Variants in BRAF observed in about 807,000 individuals in gnomAD.
The protein encoded by BRAF is B-Raf proto-oncogene, serine/threonine kinase, also known as serine/threonine-protein kinase B-raf.
Under a neutral mutation model 104.6 loss-of-function variants are expected in BRAF, and 16 were observed. The observed-to-expected ratio is 0.15, with a 90% CI of 0.10 to 0.23. BRAF has a LOEUF of 0.23. BRAF is among the 10% of genes least tolerant of loss of function. BRAF has a pLI of 1.00. For missense variants in BRAF, 541 were observed against 937.3 expected (o/e 0.58, Z 5.52); for synonymous variants, 310 against 341.6 (o/e 0.91, Z 1.02).
chr7:140,742,248 GTGGTGTGATCTCGGC>G (rs1459839897), intron 17 of BRAF, among the ~76,000 whole-genome samples: 1 of 152,050 alleles, frequency 6.6e-6, no homozygotes, highest in Admixed American at 6.5e-5. Flanking sequence ...CTAGAGTGTA[GTGGTGTGATCTCGGC>G]TCACTGCAAC....
intron 2 of BRAF, 28 bp downstream of exon 2, chr7:140,850,083 T>C (rs1808996216): frequency 2.0e-6 from 3 of 1,481,490 alleles, no homozygotes; most frequent in African/African-American, 1.4e-5. Flanking sequence ...CTTTTCAAAA[T>C]TACTAGATAT....
chr7:140,824,393 T>A (rs1233025021), intron 3 of BRAF: 2 of 152,228 alleles, frequency 1.3e-5, no homozygotes, highest in Non-Finnish European at 2.9e-5. Context: ...CATCATTTGC[T>A]GAACAGATTC....
intron 3 of BRAF, among the ~76,000 whole-genome samples, chr7:140,810,453 C>G (rs749412603): frequency 3.3e-5 from 5 of 152,040 alleles, no homozygotes; most frequent in Non-Finnish European, 7.4e-5. Flanking sequence ...GCCTATAATC[C>G]CAGCTACTCA....
intron 1 of BRAF, among the ~76,000 whole-genome samples, chr7:140,851,792 T>G (rs1298317821): frequency 1.3e-5 from 2 of 152,214 alleles, no homozygotes; most frequent in Non-Finnish European, 2.9e-5. Context: ...AAGGCAATCA[T>G]GTTTTAATTT....
At chr7:140,875,122 C>A (rs7776465) in intron 1 of BRAF, among the ~76,000 whole-genome samples, 2,659 of 152,190 alleles carry the variant, frequency 0.017, 79 homozygotes, top group African/African-American at 0.061. Flanking sequence ...TTCTTTATAG[C>A]AATTCAAGAA....
At chr7:140,811,218 TG>T (rs1387917876) in intron 3 of BRAF, among the ~76,000 whole-genome samples, 1 of 152,186 alleles carries the variant, frequency 6.6e-6, no homozygotes, top group Non-Finnish European at 1.5e-5. Flanking sequence ...GTATTTTAAA[TG>T]TGAAGGATCT....
At chr7:140,765,343 A>T (rs1242620974) in intron 14 of BRAF, among the ~76,000 whole-genome samples, 3 of 151,684 alleles carry the variant, frequency 2.0e-5, no homozygotes, top group African/African-American at 7.3e-5. Context: ...AACCATAAAA[A>T]CCCTAGAAGA....
At chr7:140,884,436 T>C (rs1813312971) in intron 1 of BRAF, among the ~76,000 whole-genome samples, 1 of 99,926 alleles carries the variant, frequency 1.0e-5, no homozygotes, top group Non-Finnish European at 1.9e-5. Flanking sequence ...GATATGTGTG[T>C]GTGTGTGTGT....
intron 14 of BRAF, among the ~76,000 whole-genome samples, chr7:140,771,289 G>A (rs370993195): frequency 8.7e-4 from 133 of 152,238 alleles, no homozygotes; most frequent in African/African-American, 3.1e-3. Flanking sequence ...TCGACTTCCT[G>A]GGCTCAAGTG....
At chr7:140,920,007 C>T (rs1031391467) in intron 1 of BRAF, among the ~76,000 whole-genome samples, 1 of 151,918 alleles carries the variant, frequency 6.6e-6, no homozygotes, top group African/African-American at 2.4e-5. Flanking sequence ...CACGACCAGC[C>T]CTACTGCCAC....
chr7:140,790,126 T>C (rs1016220785), intron 8 of BRAF, among the ~76,000 whole-genome samples: 3 of 152,168 alleles, frequency 2.0e-5, no homozygotes, highest in African/African-American at 4.8e-5. Flanking sequence ...GAGATAGGCA[T>C]GTAGAAAAGC....
intron 3 of BRAF, among the ~76,000 whole-genome samples, chr7:140,820,891 C>G (rs900455723): frequency 9.2e-5 from 14 of 152,118 alleles, no homozygotes; most frequent in African/African-American, 3.4e-4. Context: ...TGTGATTATA[C>G]CACTGCACTC....
Position 140,724,043 on chromosome 7 carries a change from A to C in BRAF, c.*2451T>G, listed in dbSNP as rs1173546408. ...GTATCTATAAAAATCTCAATATGCTAAGCCTGGCTCCTGGGCACAGCTTCA... is the reference window on the plus strand; with the variant it reads ...GTATCTATAAAAATCTCAATATGCTCAGCCTGGCTCCTGGGCACAGCTTCA... On this transcript the variant is annotated 3_prime_UTR_variant, in exon 20 of 20. Transcript: ENST00000644969. 9.5e-7 allele frequency: 1 copy of C among 1,047,576 alleles called. No individual in the cohort carries two copies. Among genetic ancestry groups the C allele is most frequent in the Non-Finnish European group, 1.2e-6 (1 of 868,234 alleles). 64.9% of individuals were successfully genotyped at this position (1,047,576 alleles called of 1,614,324 possible). A position where few individuals can be genotyped will look rare whatever the true frequency, so the allele number is the denominator to read the frequency against.
intron 14 of BRAF, among the ~76,000 whole-genome samples, chr7:140,767,065 G>A (rs766097021): frequency 1.4e-4 from 21 of 151,968 alleles, no homozygotes; most frequent in South Asian, 2.1e-4. Flanking sequence ...ATGCAGTGGC[G>A]CGATCTTGAC....
chr7:140,884,429 A>ATG (rs71170770), intron 1 of BRAF, among the ~76,000 whole-genome samples: 10,248 of 127,228 alleles, frequency 0.081, 383 homozygotes, highest in East Asian at 0.12. Context: ...TATATAAGAT[A>ATG]TGTGTGTGTG....
chr7:140,904,884 G>T (rs745691319), intron 1 of BRAF, among the ~76,000 whole-genome samples: 38 of 152,168 alleles, frequency 2.5e-4, no homozygotes, highest in Non-Finnish European at 5.0e-4. Context: ...TGGGATTACA[G>T]GTGTGAGCCA....
intron 7 of BRAF, among the ~76,000 whole-genome samples, chr7:140,797,161 A>G (rs1045044685): frequency 6.6e-6 from 1 of 152,198 alleles, no homozygotes; most frequent in African/African-American, 2.4e-5. Flanking sequence ...CAAATTAAAG[A>G]CAAAAGGAAT....
At chr7:140,762,325 T>C (rs1798819653) in intron 14 of BRAF, among the ~76,000 whole-genome samples, 1 of 152,180 alleles carries the variant, frequency 6.6e-6, no homozygotes, top group Non-Finnish European at 1.5e-5. Context: ...GAAATAAAGA[T>C]GTTCTTTGAA....
intron 5 of BRAF, 135 bp from the exon 6 acceptor site, chr7:140,801,695 T>C: frequency 9.9e-7 from 1 of 1,009,746 alleles, no homozygotes; most frequent in Non-Finnish European, 1.5e-6. Flanking sequence ...TAAAGTACTA[T>C]TATAAAATGA....
Sources: allele counts gnomAD v4.1 joint callset (sites outside exome capture counted in the v4.1 genomes callset), GRCh38; gene constraint gnomAD v4.1.1; transcripts MANE v1.5; gene names NCBI Gene and HGNC (gene_info 2026-07-23, HGNC 2026-07-21).